The following RBMS1 variants were observed in gnomAD, a reference collection of about 807,000 sequenced individuals.
The protein encoded by RBMS1 is RNA-binding motif, single-stranded-interacting protein 1.
A neutral mutation model predicts 62.3 loss-of-function variants in RBMS1; 17 were observed. That is an observed-to-expected ratio of 0.27 (90% CI 0.19 to 0.41). The LOEUF (loss-of-function observed/expected upper bound fraction) is 0.41, where lower values mean the gene tolerates loss of function less well. Among genes scored for constraint, RBMS1 ranks in the 10% least tolerant of loss-of-function variants. RBMS1 has a pLI of 1.00. For missense variants in RBMS1, 334 were observed against 504.5 expected (o/e 0.66, Z 3.24); for synonymous variants, 172 against 170.0 (o/e 1.01, Z -0.09).
At chr2:160,400,682 A>G (rs1416994844) in intron 1 of RBMS1, among the ~76,000 whole-genome samples, 2 of 152,296 alleles carry the variant, frequency 1.3e-5, no homozygotes, top group East Asian at 3.9e-4. Context: ...ATGTACATAA[A>G]TTTGTGCCTT....
At chr2:160,280,501 T>C (rs761340551) in intron 10 of RBMS1, among the ~76,000 whole-genome samples, 19 of 152,294 alleles carry the variant, frequency 1.2e-4, no homozygotes, top group Middle Eastern at 3.4e-3. Context: ...CGAAGACAAA[T>C]TGCTGTCTGA....
At chr2:160,420,578 G>A (rs961657405) in intron 1 of RBMS1, among the ~76,000 whole-genome samples, 8 of 152,114 alleles carry the variant, frequency 5.3e-5, no homozygotes, top group Admixed American at 2.6e-4. Context: ...TGCAGCCTGC[G>A]ACAGTCAGCA....
At chr2:160,407,763 C>T (rs542049162) in intron 1 of RBMS1, 1 of 981,172 alleles carries the variant, frequency 1.0e-6, no homozygotes, top group African/African-American at 1.8e-5. Flanking sequence ...GGGCGAGACT[C>T]GAGCAGCTCG....
chr2:160,369,898 G>C (rs1465651471), intron 1 of RBMS1, among the ~76,000 whole-genome samples: 2 of 152,170 alleles, frequency 1.3e-5, no homozygotes, highest in African/African-American at 2.4e-5. Context: ...AGACATGAAA[G>C]TAGTAGGTTT....
intron 1 of RBMS1, among the ~76,000 whole-genome samples, chr2:160,413,434 A>G (rs1261342548): frequency 1.3e-5 from 2 of 152,248 alleles, no homozygotes; most frequent in African/African-American, 4.8e-5. Context: ...TTTCTAAAGT[A>G]GCAGCAACAT....
chr2:160,365,597 T>C (rs1693352687), intron 2 of RBMS1, among the ~76,000 whole-genome samples: 1 of 152,242 alleles, frequency 6.6e-6, no homozygotes, highest in Non-Finnish European at 1.5e-5. Flanking sequence ...TACTCCAGTA[T>C]TTTAGGGTTA....
At chr2:160,480,272 G>T (rs553009949) in intron 1 of RBMS1, among the ~76,000 whole-genome samples, 9 of 152,190 alleles carry the variant, frequency 5.9e-5, no homozygotes, top group Admixed American at 1.3e-4. Flanking sequence ...AGAGAATAAA[G>T]AGTATAAAGG....
intron 2 of RBMS1, among the ~76,000 whole-genome samples, chr2:160,358,924 A>C (rs955233395): frequency 6.6e-6 from 1 of 152,192 alleles, no homozygotes; most frequent in African/African-American, 2.4e-5. Flanking sequence ...TACAGATTTC[A>C]GTAGCTTTGT....
At chr2:160,311,232 CTATA>C (rs10530445) in intron 4 of RBMS1, among the ~76,000 whole-genome samples, 17 of 79,254 alleles carry the variant, frequency 2.1e-4, no homozygotes, top group African/African-American at 4.4e-4. Context: ...ATCTATCTAT[CTATA>C]TATATATATA....
At chr2:160,360,567 C>T (rs996386670) in intron 2 of RBMS1, among the ~76,000 whole-genome samples, 2 of 152,164 alleles carry the variant, frequency 1.3e-5, no homozygotes, top group Non-Finnish European at 2.9e-5. Flanking sequence ...ATGGGAACCC[C>T]GGGTAACTAA....
At chr2:160,406,352 T>G (rs371730535) in intron 1 of RBMS1, among the ~76,000 whole-genome samples, 1 of 152,140 alleles carries the variant, frequency 6.6e-6, no homozygotes, top group African/African-American at 2.4e-5. Flanking sequence ...ACATAATCAA[T>G]AATCCTGTAA....
chr2:160,436,110 C>G (rs1265916267), intron 1 of RBMS1, among the ~76,000 whole-genome samples: 1 of 152,198 alleles, frequency 6.6e-6, no homozygotes, highest in Non-Finnish European at 1.5e-5. Context: ...GATAGATAAT[C>G]TCCAATGAGC....
At chr2:160,475,600 C>T (rs1303249204) in intron 1 of RBMS1, among the ~76,000 whole-genome samples, 1 of 152,172 alleles carries the variant, frequency 6.6e-6, no homozygotes, top group Non-Finnish European at 1.5e-5. Context: ...CCTGCCAACA[C>T]ATTTGTAAAC....
chr2:160,487,974 A>C (rs1685663923), intron 1 of RBMS1, among the ~76,000 whole-genome samples: 1 of 152,180 alleles, frequency 6.6e-6, no homozygotes, highest in Non-Finnish European at 1.5e-5. Flanking sequence ...AGGAGACTAG[A>C]TGCATTGAGG....
chr2:160,308,170 G>A (rs528099661), intron 4 of RBMS1, among the ~76,000 whole-genome samples: 2 of 152,138 alleles, frequency 1.3e-5, no homozygotes, highest in African/African-American at 4.8e-5. Flanking sequence ...TAGGCAGGTG[G>A]ATTGCTTGAG....
At chr2:160,490,172 T>G (rs1254706909) in intron 1 of RBMS1, among the ~76,000 whole-genome samples, 1 of 152,034 alleles carries the variant, frequency 6.6e-6, no homozygotes, top group Non-Finnish European at 1.5e-5. Flanking sequence ...ACAGCATAGG[T>G]CATTTTAAAA....
intron 2 of RBMS1, among the ~76,000 whole-genome samples, chr2:160,339,217 T>C (rs951980486): frequency 8.5e-5 from 13 of 152,166 alleles, no homozygotes; most frequent in African/African-American, 2.9e-4. Flanking sequence ...AGTTACATTT[T>C]CCCTTTTTCC....
chr2:160,397,687 C>T (rs1245099187), intron 1 of RBMS1, among the ~76,000 whole-genome samples: 2 of 152,120 alleles, frequency 1.3e-5, no homozygotes, highest in Non-Finnish European at 2.9e-5. Flanking sequence ...TCCTTTCCCG[C>T]CCCACTACAC....
At chr2:160,450,552 A>AT (rs71006604) in intron 1 of RBMS1, among the ~76,000 whole-genome samples, 57,116 of 97,856 alleles carry the variant, frequency 0.58, 14,477 homozygotes, top group East Asian at 0.69. Flanking sequence ...AAAAAAATAA[A>AT]AAATAAAAAA....
Sources: gnomAD v4.1 joint callset for allele counts (sites outside exome capture counted in the v4.1 genomes callset) on GRCh38, gnomAD v4.1.1 for gene constraint, MANE v1.5 for transcripts, NCBI Gene and HGNC (gene_info 2026-07-23, HGNC 2026-07-21) for gene names.